MYH9: variants seen among roughly 807,000 people sequenced by gnomAD.
MYH9 encodes myosin heavy chain 9.
A neutral mutation model predicts 241.9 loss-of-function variants in MYH9; 29 were observed. The observed-to-expected ratio is 0.12, with a 90% CI of 0.09 to 0.16. The LOEUF (loss-of-function observed/expected upper bound fraction) is 0.16, where lower values mean the gene tolerates loss of function less well. Among genes scored for constraint, MYH9 ranks in the 10% least tolerant of loss-of-function variants. MYH9 has a pLI of 1.00. For missense variants in MYH9, 1,803 were observed against 2,595.5 expected, an observed-to-expected ratio of 0.69 and a Z score of 6.63; for synonymous variants, 1,047 against 1,062.6, an observed-to-expected ratio of 0.99 and a Z score of 0.29.
In MYH9 at chr22:36,281,932, C is replaced by A; in HGVS notation, c.*736G>T. On this transcript the variant is annotated 3_prime_UTR_variant, in exon 41 of 41. Transcript: ENST00000216181. ...AAGGCTGCTGGCCTTTCCAGCTTGA[C>A]CCCGACAGCCTTGCTGTGGCAGAGG... 4.3e-6 allele frequency: 1 copy of A among 232,308 alleles called. No individual in the cohort carries two copies. 14.4% of individuals were successfully genotyped at this position (232,308 alleles called of 1,614,324 possible).
intron 3 of MYH9, among the ~76,000 whole-genome samples, chr22:36,331,014 C>T (rs2017412061): frequency 6.6e-6 from 1 of 152,072 alleles, no homozygotes; most frequent in African/African-American, 2.4e-5. Context: ...TAAAATCTTC[C>T]CAAATTCCTG....
chr22:36,324,066 C>A (rs1403818996), intron 5 of MYH9, among the ~76,000 whole-genome samples: 1 of 152,256 alleles, frequency 6.6e-6, no homozygotes, highest in Non-Finnish European at 1.5e-5. Flanking sequence ...CTGGCTGAAC[C>A]GCTCCCATTC....
chr22:36,293,528 C>G lies in MYH9; in HGVS notation c.3943-47G>C, dbSNP rs1308757640. ...TGCGGGTGCTTAGGAGGGTGGTGTC[C>G]AAAACCCAGGAACCCCACACCCTTG... On this transcript the variant is annotated intron_variant, in intron 29 of 40. Transcript: ENST00000216181. The surrounding 1 kb of genome is among the most constrained non-coding windows in gnomAD (Gnocchi z 5.1). The G allele has an allele frequency of 6.2e-7, 1 of 1,607,284 alleles. No homozygotes were observed. Among genetic ancestry groups the G allele is most frequent in the African/African-American group, 1.3e-5 (1 of 74,826 alleles).
intron 1 of MYH9, 94 bp from the exon 2 acceptor site, chr22:36,349,349 T>C (rs756215857): frequency 2.2e-6 from 2 of 924,358 alleles, no homozygotes; most frequent in Non-Finnish European, 3.4e-6. Context: ...GCAAACTGTA[T>C]AGGATTAAGA....
chr22:36,283,264 C>T (rs767960718), intron 40 of MYH9, among the ~76,000 whole-genome samples: 5 of 152,116 alleles, frequency 3.3e-5, no homozygotes, highest in Admixed American at 6.5e-5. Context: ...AGGCCTGGCA[C>T]GGTGGCTCAT....
intron 5 of MYH9, among the ~76,000 whole-genome samples, chr22:36,323,128 A>G (rs939082226): frequency 6.6e-6 from 1 of 152,206 alleles, no homozygotes; most frequent in Non-Finnish European, 1.5e-5. Flanking sequence ...GAGAATGTCA[A>G]TAAATCCTAC....
intron 1 of MYH9, among the ~76,000 whole-genome samples, chr22:36,386,709 C>T (rs1362520528): frequency 6.6e-6 from 1 of 152,154 alleles, no homozygotes; most frequent in South Asian, 2.1e-4. Flanking sequence ...GCTCACCCTG[C>T]CCCCCACCAC....
At chr22:36,318,419 G>A (rs1289163933) in intron 10 of MYH9, 94 bp from the exon 11 acceptor site, 8 of 1,033,910 alleles carry the variant, frequency 7.7e-6, no homozygotes, top group Admixed American at 1.7e-5. Context: ...AAGTCCCTCT[G>A]CTTGACTTGG....
rs1329101995 is a variant in MYH9, at chr22:36,300,367, A to G, written c.2839-103T>C. 1.9e-6 allele frequency: 3 copies of G among 1,539,988 alleles called. No homozygotes were observed. The highest frequency in any genetic ancestry group is 2.3e-5 in the East Asian group (1 of 44,404). ...CAGATCCAAACGCCAAGGAGAAAAT[A>G]GCAAGGTCTGTGAGCCCAGGGCCAT... On this transcript the variant is annotated intron_variant, in intron 22 of 40. Transcript: ENST00000216181. The surrounding 1 kb of genome is among the most constrained non-coding windows in gnomAD (Gnocchi z 5.0).
chr22:36,294,556 C>A (rs1041568943), intron 27 of MYH9, among the ~76,000 whole-genome samples: 7 of 152,232 alleles, frequency 4.6e-5, no homozygotes, highest in South Asian at 2.1e-4. Context: ...ACCTGCCCAG[C>A]CTTCTGCCCT....
intron 18 of MYH9, among the ~76,000 whole-genome samples, chr22:36,304,804 C>T (rs2016942873): frequency 1.3e-5 from 2 of 152,266 alleles, no homozygotes; most frequent in South Asian, 2.1e-4. Context: ...GCCATGGCTA[C>T]AGTTCTTGTC....
Position 36,320,939 on chromosome 22 carries a change from A to G in MYH9, c.770-43T>C, listed in dbSNP as rs547177430. On this transcript the variant is annotated intron_variant, in intron 7 of 40. Transcript: ENST00000216181. This position sits in a 1 kb window ranked among gnomAD's most constrained non-coding sequence, Gnocchi z 4.8. ...AGCAACACAAGCTGGGGAGAAGGCA[A>G]GCCCTCCACTTTCCTCATTTTTTTT... is the stretch of plus-strand genomic sequence containing the variant. The G allele has an allele frequency of 5.2e-6, 8 of 1,548,638 alleles. No homozygotes were observed. In the African/African-American group the frequency reaches 1.1e-4, roughly 21 times the overall value.
chr22:36,286,181 T>C (rs2016577082), intron 35 of MYH9: 1 of 614,358 alleles, frequency 1.6e-6, no homozygotes, highest in Admixed American at 2.6e-5. Context: ...TCAAGCCAGG[T>C]GCCAGGGTAT....
chr22:36,381,933 T>C (rs1021275271), intron 1 of MYH9, among the ~76,000 whole-genome samples: 3 of 152,196 alleles, frequency 2.0e-5, no homozygotes, highest in Admixed American at 6.5e-5. Context: ...TCCTAGAATA[T>C]AGTCGGAAGG....
chr22:36,354,733 C>T lies in MYH9; in HGVS notation c.-19-5478G>A, dbSNP rs1042435354. Among the ~76,000 whole-genome samples the T allele has an allele frequency of 5.9e-5, 9 of 152,066 alleles. No individual in the cohort carries two copies. The East Asian group carries it at 1.5e-3, about 26-fold the overall frequency. On this transcript the variant is annotated intron_variant, in intron 1 of 40. Coordinates refer to ENST00000216181, the MANE Select transcript of MYH9 (RefSeq NM_002473.6). ...TGCTGGGCTTACAGGCGTGAGCCAC[C>T]GCACCCGGCCGTAGTGTACCACCAC...
intron 3 of MYH9, among the ~76,000 whole-genome samples, chr22:36,334,545 G>A (rs1008204922): frequency 6.6e-6 from 1 of 152,222 alleles, no homozygotes; most frequent in Non-Finnish European, 1.5e-5. Flanking sequence ...GTCGCTGCAG[G>A]GGCGGCTGTG....
At chr22:36,313,638 G>A (rs1332005475) in intron 13 of MYH9, among the ~76,000 whole-genome samples, 4 of 143,330 alleles carry the variant, frequency 2.8e-5, no homozygotes, top group African/African-American at 7.4e-5. Context: ...TAATGCTGGC[G>A]ATAAAAGCAC....
chr22:36,301,186 G>A, intron 21 of MYH9, 129 bp from the exon 22 acceptor site: 2 of 936,324 alleles, frequency 2.1e-6, no homozygotes, highest in South Asian at 2.7e-5. Context: ...CTTTCATCTG[G>A]AGAGCTCTGA....
At chr22:36,336,982 G>A (rs1162389188) in intron 3 of MYH9, among the ~76,000 whole-genome samples, 1 of 152,214 alleles carries the variant, frequency 6.6e-6, no homozygotes, top group African/African-American at 2.4e-5. Context: ...ATGCTGTGAT[G>A]CCCCACCCGT....
Sources: allele counts gnomAD v4.1 joint callset (sites outside exome capture counted in the v4.1 genomes callset), GRCh38; gene constraint gnomAD v4.1.1; non-coding constraint Gnocchi (gnomAD v3.1); transcripts MANE v1.5; gene names NCBI Gene and HGNC (gene_info 2026-07-23, HGNC 2026-07-21).